The following CHL1 variants were observed in gnomAD, a reference collection of about 807,000 sequenced individuals.
CHL1 encodes the protein neural cell adhesion molecule L1-like protein.
CHL1 carries 96 observed loss-of-function variants against 141.9 expected under a neutral mutation model. That is an observed-to-expected ratio of 0.68 (90% CI 0.57 to 0.80). The LOEUF (loss-of-function observed/expected upper bound fraction) is 0.80. CHL1 is among the 30% of genes least tolerant of loss of function. CHL1 has a pLI of 0.00. For missense variants in CHL1, 1,820 were observed against 1,457.2 expected, an observed-to-expected ratio of 1.25 and a Z score of -4.05; for synonymous variants, 613 against 502.2, an observed-to-expected ratio of 1.22 and a Z score of -2.95.
intron 2 of CHL1, chr3:247,400 A>G (rs1360098199): frequency 6.6e-6 from 1 of 152,066 alleles, no homozygotes; most frequent in East Asian, 1.9e-4. Context: ...AATTCTCTAC[A>G]CATTGGTCTC....
intron 1 of CHL1, among the ~76,000 whole-genome samples, chr3:223,883 G>A (rs556727523): frequency 6.6e-6 from 1 of 152,290 alleles, no homozygotes; most frequent in South Asian, 2.1e-4. Flanking sequence ...GTCACTTCTT[G>A]GGTGGGAGCT....
At chr3:326,720 T>C (rs1385728145) in intron 4 of CHL1, among the ~76,000 whole-genome samples, 2 of 151,906 alleles carry the variant, frequency 1.3e-5, no homozygotes, top group East Asian at 3.9e-4. Context: ...GTGGGAAGAA[T>C]TCCCAATATT....
At chr3:212,008 G>A (rs192550127) in intron 1 of CHL1, among the ~76,000 whole-genome samples, 3 of 152,182 alleles carry the variant, frequency 2.0e-5, no homozygotes, top group Non-Finnish European at 2.9e-5. Context: ...TTTAGCCACC[G>A]ATAAAAAGTT....
intron 2 of CHL1, among the ~76,000 whole-genome samples, chr3:311,943 A>G (rs1469198059): frequency 3.3e-5 from 5 of 152,060 alleles, no homozygotes; most frequent in Non-Finnish European, 5.9e-5. Flanking sequence ...AATTTCCGTA[A>G]TTTTCTTTCT....
At chr3:329,613 A>G (rs1701284734) in intron 5 of CHL1, among the ~76,000 whole-genome samples, 1 of 152,014 alleles carries the variant, frequency 6.6e-6, no homozygotes, top group Non-Finnish European at 1.5e-5. Context: ...AGAAAGAAAA[A>G]GAGATAGAAA....
chr3:234,193 G>GTATATATGTATGTATGTATA (rs1559310404), intron 1 of CHL1, among the ~76,000 whole-genome samples: 17 of 144,212 alleles, frequency 1.2e-4, no homozygotes, highest in Non-Finnish European at 2.4e-4. Flanking sequence ...GTGTGTGTGT[G>GTATATATGTATGTATGTATA]TATATATATA....
At chr3:396,934 G>A (rs1279061100) in intron 24 of CHL1, among the ~76,000 whole-genome samples, 1 of 152,084 alleles carries the variant, frequency 6.6e-6, no homozygotes, top group Admixed American at 6.6e-5. Flanking sequence ...GTGCAAATAG[G>A]AACCTACTGC....
chr3:254,458 G>A (rs2125155582), intron 2 of CHL1, among the ~76,000 whole-genome samples: 1 of 152,280 alleles, frequency 6.6e-6, no homozygotes, highest in Non-Finnish European at 1.5e-5. Context: ...TCTGAGAAAG[G>A]GCTAGGTATT....
At position 232,744 on chromosome 3, in the gene CHL1, T is replaced by C. The variant is rs182410081; in HGVS notation, c.-174-11869T>C. Among the ~76,000 whole-genome samples, 18 of 152,178 alleles carry C rather than the reference T, an allele frequency of 1.2e-4. No individual in the cohort carries two copies. The East Asian group carries it at 3.1e-3, about 26-fold the overall frequency. On this transcript the variant is annotated intron_variant, in intron 1 of 27. Coordinates refer to ENST00000256509, the MANE Select transcript of CHL1 (RefSeq NM_006614.4). ...TGTGAGTGAAATGAATCAGAGGTTG[T>C]TAGCTCCAGTTAAAAAAAAAATGAA...
At chr3:260,941 C>A (rs565729839) in intron 2 of CHL1, among the ~76,000 whole-genome samples, 1 of 152,246 alleles carries the variant, frequency 6.6e-6, no homozygotes, top group East Asian at 1.9e-4. Flanking sequence ...TTTTTTTGGA[C>A]AGTTTGAGAA....
At chr3:221,670 T>C (rs1700853773) in intron 1 of CHL1, among the ~76,000 whole-genome samples, 1 of 152,208 alleles carries the variant, frequency 6.6e-6, no homozygotes. Flanking sequence ...CAACAGTACT[T>C]GGCATTTCAT....
intron 2 of CHL1, among the ~76,000 whole-genome samples, chr3:272,748 T>C (rs1013365401): frequency 6.6e-6 from 1 of 152,224 alleles, no homozygotes; most frequent in African/African-American, 2.4e-5. Flanking sequence ...ATCATAAAGA[T>C]GACTCCTTGG....
chr3:361,217 A>C (rs1704214786), intron 12 of CHL1, among the ~76,000 whole-genome samples: 1 of 150,820 alleles, frequency 6.6e-6, no homozygotes, highest in South Asian at 2.1e-4. Context: ...TACAAAAATC[A>C]ATTCAAGATG....
chr3:367,190 T>G (rs1705010640), intron 15 of CHL1, among the ~76,000 whole-genome samples: 1 of 152,250 alleles, frequency 6.6e-6, no homozygotes, highest in Non-Finnish European at 1.5e-5. Flanking sequence ...GAAAGTCAGC[T>G]TCGCGTCCTT....
intron 2 of CHL1, among the ~76,000 whole-genome samples, chr3:310,270 T>A (rs78598337): frequency 1.3e-5 from 2 of 150,282 alleles, no homozygotes; most frequent in South Asian, 4.2e-4. Context: ...ATCTCTATAA[T>A]TTTTTTTTTA....
At chr3:344,552 T>C in intron 8 of CHL1, 37 bp from the exon 9 acceptor site, 1 of 1,547,458 alleles carries the variant, frequency 6.5e-7, no homozygotes, top group Non-Finnish European at 8.8e-7. Flanking sequence ...TGTATATTAA[T>C]TTGAAAAAAT....
chr3:338,585 A>G (rs1030781704), intron 5 of CHL1, among the ~76,000 whole-genome samples: 2 of 152,210 alleles, frequency 1.3e-5, no homozygotes, highest in East Asian at 1.9e-4. Context: ...GTCAAAGGAT[A>G]AGACATAAAA....
intron 1 of CHL1, among the ~76,000 whole-genome samples, chr3:223,990 A>G (rs1464951984): frequency 6.6e-6 from 1 of 152,126 alleles, no homozygotes; most frequent in Non-Finnish European, 1.5e-5. Context: ...TACCTCAAAG[A>G]CTAATCTTAG....
chr3:383,759 T>C, intron 18 of CHL1, 57 bp from the exon 19 acceptor site: 2 of 1,257,930 alleles, frequency 1.6e-6, no homozygotes, highest in Non-Finnish European at 1.2e-6. Context: ...AGTTGTGATA[T>C]GATGACTTAC....
Sources: allele counts gnomAD v4.1 joint callset (sites outside exome capture counted in the v4.1 genomes callset), GRCh38; gene constraint gnomAD v4.1.1; transcripts MANE v1.5; gene names NCBI Gene and HGNC (gene_info 2026-07-23, HGNC 2026-07-21).